TOPBP1: variants seen among roughly 807,000 people sequenced by gnomAD.
TOPBP1 encodes DNA topoisomerase 2-binding protein 1.
Under a neutral mutation model 167.7 loss-of-function variants are expected in TOPBP1, and 28 were observed. That is an observed-to-expected ratio of 0.17 (90% CI 0.12 to 0.23). The LOEUF is 0.23. Among genes scored for constraint, TOPBP1 ranks in the 10% least tolerant of loss-of-function variants. The pLI is 1.00. For synonymous variants in TOPBP1, 598 were observed against 611.4 expected (o/e 0.98, Z 0.32); for missense variants, 1,554 against 1,809.6 (o/e 0.86, Z 2.56).
At chr3:133,609,068 A>C in intron 25 of TOPBP1, 106 bp from the exon 26 acceptor site, 1 of 935,368 alleles carries the variant, frequency 1.1e-6, no homozygotes, top group Non-Finnish European at 1.6e-6. Context: ...TAAATCTTAT[A>C]AACTTTACTT....
chr3:133,605,177 C>A (rs1348017995), intron 27 of TOPBP1, among the ~76,000 whole-genome samples: 1 of 147,696 alleles, frequency 6.8e-6, no homozygotes, highest in African/African-American at 2.5e-5. Flanking sequence ...CCAGTGTGGG[C>A]AACAGAGCCA....
rs1935730554 is a variant in TOPBP1, at chr3:133,637,872, T to C, written c.2520+4A>G. On this transcript the variant is annotated splice_donor_region_variant and intron_variant, in intron 14 of 27. Transcript: ENST00000260810. ...ACTCTGGGACCACTGCCTATAAACC[T>C]TACCTTCACATCAAAGGAAGGCTTG... 1.9e-6 allele frequency: 3 copies of C among 1,613,290 alleles called. No homozygotes were observed. Among genetic ancestry groups the C allele is most frequent in the African/African-American group, 2.7e-5 (2 of 74,912 alleles).
intron 24 of TOPBP1, among the ~76,000 whole-genome samples, chr3:133,612,043 A>C (rs1023509314): frequency 3.3e-4 from 49 of 147,408 alleles, no homozygotes; most frequent in African/African-American, 1.1e-3. Context: ...GCCAACACTT[A>C]CTTTTTTTTT....
chr3:133,614,177 A>G (rs1310611735), intron 23 of TOPBP1, among the ~76,000 whole-genome samples: 4 of 152,162 alleles, frequency 2.6e-5, no homozygotes. Context: ...ACACCTTCTG[A>G]GCATTTATTT....
intron 27 of TOPBP1, 43 bp downstream of exon 27, chr3:133,608,492 G>A (rs1452143934): frequency 2.1e-5 from 34 of 1,601,306 alleles, no homozygotes; most frequent in East Asian, 4.5e-5. Context: ...GCACATAAAC[G>A]TATCTCTGGT....
rs1935040671 is a variant in TOPBP1, at chr3:133,620,277, T to C, written c.3249A>G (p.Ser1083=). The C allele has an allele frequency of 3.1e-6, 5 of 1,613,994 alleles. No homozygotes were observed. Among genetic ancestry groups the C allele is most frequent in the Non-Finnish European group, 4.2e-6 (5 of 1,179,892 alleles). Reference sequence around the variant, plus strand: ...TCCTCTGCCCTTGGGGTTTCACTATTGATGTTGCAGACATTATCTCCTGTA... The same window carrying C: ...TCCTCTGCCCTTGGGGTTTCACTATCGATGTTGCAGACATTATCTCCTGTA... The part of the protein sequence containing the change: ...KQLQEIMSAT[S]IVKPQGQRTS... Residue 1083 remains serine, a synonymous_variant, in exon 20 of 28, where the codon TCA becomes TCG. Coordinates refer to ENST00000260810, the MANE Select transcript of TOPBP1 (RefSeq NM_007027.4).
At position 133,608,633 on chromosome 3, in the gene TOPBP1, T is replaced by C; in HGVS notation, c.4327A>G (p.Lys1443Glu). Reference sequence around the variant, plus strand: ...ACTCCTGAGTCATCTGGTTTCAGTTTATTCAAGTCAGAAAAAAGATGTGTG... The same window carrying C: ...ACTCCTGAGTCATCTGGTTTCAGTTCATTCAAGTCAGAAAAAAGATGTGTG... ...EATHLFSDLN[K>E]LKPDDSGVNI... The change falls in exon 27 of 28, where the codon AAA (lysine) becomes GAA (glutamate). Residue 1443 changes from lysine (K) to glutamate (E), a missense_variant. Around this residue, in one of 3 missense-constraint regions of TOPBP1, gnomAD observed 351 missense variants for 432.9 expected, o/e 0.81. Coordinates refer to ENST00000260810, the MANE Select transcript of TOPBP1 (RefSeq NM_007027.4). 6.2e-7 allele frequency: 1 copy of C among 1,613,796 alleles called. No homozygotes were observed. The highest frequency in any genetic ancestry group is 8.5e-7 in the Non-Finnish European group (1 of 1,179,812).
intron 23 of TOPBP1, among the ~76,000 whole-genome samples, chr3:133,615,593 A>G (rs768760366): frequency 1.3e-5 from 2 of 152,202 alleles, no homozygotes; most frequent in Non-Finnish European, 2.9e-5. Context: ...TTTGTTCAAC[A>G]GAGTAGCCAC....
chr3:133,652,138 TA>T lies in TOPBP1; in HGVS notation c.1089+324del, dbSNP rs11447866. Among the ~76,000 whole-genome samples, 304 of 146,172 alleles carry T rather than the reference TA, an allele frequency of 2.1e-3. 1 individual carries two copies. Among genetic ancestry groups the T allele is most frequent in the African/African-American group, 6.3e-3 (249 of 39,790 alleles). On this transcript the variant is annotated intron_variant, in intron 8 of 27. Coordinates refer to ENST00000260810, the MANE Select transcript of TOPBP1 (RefSeq NM_007027.4). ...GAGTGAGACCCTAACTCAAAAAAAT[TA>T]AAAAAAAAAAATCCAATAAGTTGTT...
intron 25 of TOPBP1, among the ~76,000 whole-genome samples, chr3:133,610,595 G>T (rs1415894940): frequency 6.7e-6 from 1 of 149,432 alleles, no homozygotes. Flanking sequence ...ATTAAAGGAA[G>T]TGCTAGTTTT....
rs375922864 is a variant in TOPBP1, at chr3:133,655,309, G to A, written c.723C>T (p.Leu241=). 4.3e-5 allele frequency: 62 copies of A among 1,456,842 alleles called. No homozygotes were observed. In the African/African-American group the frequency reaches 7.9e-4, roughly 19 times the overall value. The allele number at this position is 1,456,842 out of a possible 1,614,324, so 90.2% of individuals were successfully genotyped here. ...GQLKMNECTH[L]IVQEPKGQKY... is the part of the protein sequence containing the mutation. ...TTTTACCTTTTGGTTCTTGCACAAT[G>A]AGGTGTGTACATTCATTCATTTTCA... Residue 241 remains leucine, a synonymous_variant, in exon 6 of 28, where the codon CTC becomes CTT. Transcript: ENST00000260810.
chr3:133,657,785 G>A lies in TOPBP1; in HGVS notation c.363+13C>T. 6.5e-7 allele frequency: 1 copy of A among 1,530,284 alleles called. No homozygotes were observed. The highest frequency in any genetic ancestry group is 2.4e-5 in the East Asian group (1 of 41,912). The allele number at this position is 1,530,284 out of a possible 1,614,324, so 94.8% of individuals were successfully genotyped here. ...TATATAAATTGATCAATCATCATGA[G>A]ATCAATATCTACCCTTTTTTCTTTT... On this transcript the variant is annotated intron_variant, in intron 4 of 27. Transcript: ENST00000260810.
intron 10 of TOPBP1, among the ~76,000 whole-genome samples, chr3:133,645,015 A>G (rs1210445158): frequency 6.6e-6 from 1 of 152,220 alleles, no homozygotes; most frequent in Non-Finnish European, 1.5e-5. Flanking sequence ...TCAGGCTTGA[A>G]GAGGTTATGT....
At chr3:133,645,670 A>G (rs2107817920) in intron 10 of TOPBP1, among the ~76,000 whole-genome samples, 1 of 152,310 alleles carries the variant, frequency 6.6e-6, no homozygotes, top group African/African-American at 2.4e-5. Flanking sequence ...TACTACTATA[A>G]AAACAAAGTA....
At position 133,628,344 on chromosome 3, in the gene TOPBP1, G is replaced by A; in HGVS notation, c.2804+18C>T. 6.3e-7 allele frequency: 1 copy of A among 1,575,700 alleles called. No homozygotes were observed. Among genetic ancestry groups the A allele is most frequent in the Non-Finnish European group, 8.6e-7 (1 of 1,157,950 alleles). On this transcript the variant is annotated intron_variant, in intron 16 of 27. Coordinates refer to ENST00000260810, the MANE Select transcript of TOPBP1 (RefSeq NM_007027.4). ...ATTTCAGTCATATCACCATGAAACA[G>A]AAAGATGTGCCAACTACCTGTAATC...
intron 12 of TOPBP1, among the ~76,000 whole-genome samples, chr3:133,641,875 A>G (rs911994958): frequency 1.7e-4 from 26 of 152,246 alleles, no homozygotes; most frequent in African/African-American, 6.0e-4. Flanking sequence ...AATTATTATA[A>G]GGTGAAACCC....
intron 23 of TOPBP1, among the ~76,000 whole-genome samples, chr3:133,613,141 G>A (rs897479772): frequency 3.9e-5 from 6 of 152,122 alleles, no homozygotes; most frequent in African/African-American, 9.7e-5. Context: ...GATTACAGGC[G>A]TGAGCCACCA....
chr3:133,649,325 G>A (rs570674238), intron 10 of TOPBP1, 58 bp downstream of exon 10: 29 of 1,557,378 alleles, frequency 1.9e-5, no homozygotes, highest in African/African-American at 1.6e-4. Context: ...ACATATGTAC[G>A]TATTAGGCTA....
At chr3:133,628,325 G>T in intron 16 of TOPBP1, 37 bp downstream of exon 16, 1 of 1,538,220 alleles carries the variant, frequency 6.5e-7, no homozygotes, top group Non-Finnish European at 8.8e-7. Flanking sequence ...ATAAATTTCA[G>T]TCATATCACC....
Sources: allele counts gnomAD v4.1 joint callset (sites outside exome capture counted in the v4.1 genomes callset), GRCh38; gene constraint gnomAD v4.1.1; regional missense constraint gnomAD v4.1.1; transcripts MANE v1.5; gene names NCBI Gene and HGNC (gene_info 2026-07-23, HGNC 2026-07-21).